The following SLC24A2 variants were observed in gnomAD, a reference collection of about 807,000 sequenced individuals.
The protein encoded by SLC24A2 is sodium/potassium/calcium exchanger 2.
SLC24A2 carries 36 observed loss-of-function variants against 62.0 expected under a neutral mutation model. The observed-to-expected ratio is 0.58, with a 90% CI of 0.44 to 0.77. The LOEUF is 0.77. SLC24A2 is among the 30% of genes least tolerant of loss of function. SLC24A2 has a pLI of 0.00. For missense variants in SLC24A2, 846 were observed against 817.9 expected (o/e 1.03, Z -0.42); for synonymous variants, 358 against 294.0 (o/e 1.22, Z -2.23).
chr9:19,639,397 T>A (rs546934935), intron 2 of SLC24A2, among the ~76,000 whole-genome samples: 3 of 152,188 alleles, frequency 2.0e-5, no homozygotes, highest in Non-Finnish European at 4.4e-5. Context: ...CAGAATATGG[T>A]GGAAGTTCTC....
chr9:20,005,986 G>GTATA, the SLC24A2 span, among the ~76,000 whole-genome samples: 1 of 151,390 alleles, frequency 6.6e-6, no homozygotes, highest in Admixed American at 6.6e-5. Context: ...TAGGAAATTT[G>GTATA]TATATATATT....
chr9:20,014,116 G>C, the SLC24A2 span, among the ~76,000 whole-genome samples: 1 of 152,262 alleles, frequency 6.6e-6, no homozygotes, highest in African/African-American at 2.4e-5. Context: ...GCTGAGGCCA[G>C]AAGATCTCTA....
chr9:19,537,140 C>A (rs1307066398), intron 8 of SLC24A2, among the ~76,000 whole-genome samples: 2 of 150,746 alleles, frequency 1.3e-5, no homozygotes, highest in African/African-American at 4.9e-5. Context: ...AATTTTCTCC[C>A]ATGTTGTAGG....
intron 2 of SLC24A2, among the ~76,000 whole-genome samples, chr9:19,669,847 C>T (rs1024563386): frequency 6.6e-6 from 1 of 152,186 alleles, no homozygotes; most frequent in Non-Finnish European, 1.5e-5. Context: ...AATCTTAATT[C>T]CCTTTGCTAT....
chr9:20,019,155 A>AAGAG, the SLC24A2 span, among the ~76,000 whole-genome samples: 525 of 117,160 alleles, frequency 4.5e-3, 29 homozygotes, highest in Non-Finnish European at 5.3e-3. Flanking sequence ...GAAAGAAAGA[A>AAGAG]AGAGAGAGAG....
intron 2 of SLC24A2, among the ~76,000 whole-genome samples, chr9:19,634,540 G>A (rs1193298072): frequency 6.6e-6 from 1 of 152,018 alleles, no homozygotes; most frequent in Admixed American, 6.6e-5. Flanking sequence ...CGCCCACCTC[G>A]GCCTCCCAAA....
At chr9:19,568,898 G>C (rs950854053) in intron 7 of SLC24A2, among the ~76,000 whole-genome samples, 1 of 152,138 alleles carries the variant, frequency 6.6e-6, no homozygotes, top group Non-Finnish European at 1.5e-5. Context: ...AACATGACTA[G>C]TTATTTGACA....
the SLC24A2 span, among the ~76,000 whole-genome samples, chr9:20,083,141 C>G: frequency 6.6e-6 from 1 of 152,222 alleles, no homozygotes; most frequent in Non-Finnish European, 1.5e-5. Context: ...GTTTCCACCT[C>G]AACTTCCACT....
chr9:19,521,524 T>G (rs1436353397), intron 9 of SLC24A2, among the ~76,000 whole-genome samples: 2 of 152,232 alleles, frequency 1.3e-5, no homozygotes, highest in African/African-American at 4.8e-5. Flanking sequence ...GTCTATAATC[T>G]ATTCTGAAAC....
At chr9:20,052,192 C>T in the SLC24A2 span, among the ~76,000 whole-genome samples, 15 of 152,308 alleles carry the variant, frequency 9.8e-5, no homozygotes, top group African/African-American at 3.6e-4. Context: ...CCATCTCAAA[C>T]TTAACATAAC....
At chr9:19,652,366 A>C (rs938258204) in intron 2 of SLC24A2, among the ~76,000 whole-genome samples, 2 of 152,162 alleles carry the variant, frequency 1.3e-5, no homozygotes, top group African/African-American at 4.8e-5. Context: ...GATGTGATTA[A>C]GTTAAGGATC....
intron 2 of SLC24A2, among the ~76,000 whole-genome samples, chr9:19,743,089 A>C (rs1821727349): frequency 6.6e-6 from 1 of 152,114 alleles, no homozygotes; most frequent in African/African-American, 2.4e-5. Flanking sequence ...GTTATTTTGA[A>C]AAATGGAGGA....
At chr9:20,265,524 G>A in the SLC24A2 span, among the ~76,000 whole-genome samples, 1 of 152,170 alleles carries the variant, frequency 6.6e-6, no homozygotes, top group Non-Finnish European at 1.5e-5. Flanking sequence ...ATACCCTTGT[G>A]ATTTCCTAGG....
chr9:19,525,150 A>G (rs184534650), intron 9 of SLC24A2, among the ~76,000 whole-genome samples: 13 of 152,128 alleles, frequency 8.5e-5, no homozygotes, highest in South Asian at 2.1e-4. Flanking sequence ...CAGGAAGCCA[A>G]TGATTTTTTG....
the SLC24A2 span, among the ~76,000 whole-genome samples, chr9:19,819,254 T>A: frequency 6.6e-6 from 1 of 152,062 alleles, no homozygotes; most frequent in East Asian, 1.9e-4. Flanking sequence ...TTCTAGAAGA[T>A]AACATTGGAA....
At chr9:19,895,751 C>T in the SLC24A2 span, 137 of 1,494,566 alleles carry the variant, frequency 9.2e-5, no homozygotes, top group Non-Finnish European at 1.1e-4. Context: ...AGGGGCTGGG[C>T]GGCCCAGTCC....
chr9:20,073,791 A>AT, the SLC24A2 span, among the ~76,000 whole-genome samples: 1 of 151,700 alleles, frequency 6.6e-6, no homozygotes, highest in African/African-American at 2.4e-5. Context: ...CTATATGCAT[A>AT]TATGTATACA....
chr9:19,906,313 G>A, the SLC24A2 span, among the ~76,000 whole-genome samples: 1 of 151,528 alleles, frequency 6.6e-6, no homozygotes. Flanking sequence ...GAATCTCTGG[G>A]ACACATTCAA....
the SLC24A2 span, among the ~76,000 whole-genome samples, chr9:20,249,815 G>C: frequency 6.6e-6 from 1 of 151,936 alleles, no homozygotes; most frequent in East Asian, 1.9e-4. Context: ...TTGGAAGTGA[G>C]GAAGGAGTGG....
Sources: allele counts gnomAD v4.1 joint callset (sites outside exome capture counted in the v4.1 genomes callset), GRCh38; gene constraint gnomAD v4.1.1; transcripts MANE v1.5; gene names NCBI Gene and HGNC (gene_info 2026-07-23, HGNC 2026-07-21).